The following ARMC6 variants were observed in gnomAD, a reference collection of about 807,000 sequenced individuals.
The protein encoded by ARMC6 is armadillo repeat-containing protein 6.
In ARMC6, 43 loss-of-function variants were observed where a neutral mutation model predicts 49.2. The ratio of observed to expected loss-of-function variants is 0.87; its 90% CI spans 0.69 to 1.13. ARMC6 has a LOEUF of 1.13. Among genes scored for constraint, ARMC6 ranks in the 50% most tolerant of loss-of-function variants. The pLI is 0.00. For synonymous variants in ARMC6, 262 were observed against 289.6 expected (o/e 0.90, Z 0.97); for missense variants, 627 against 682.0 (o/e 0.92, Z 0.90).
At chr19:19,039,675 G>A (rs2059396885) in intron 2 of ARMC6, among the ~76,000 whole-genome samples, 1 of 152,142 alleles carries the variant, frequency 6.6e-6, no homozygotes, top group African/African-American at 2.4e-5. Flanking sequence ...TCTTTGACGA[G>A]ACATCATGTT....
chr19:19,036,461 G>A (rs2059369255), intron 2 of ARMC6, among the ~76,000 whole-genome samples: 1 of 152,206 alleles, frequency 6.6e-6, no homozygotes, highest in Non-Finnish European at 1.5e-5. Flanking sequence ...AAGATCACCT[G>A]TCAATTTACA....
intron 3 of ARMC6, 130 bp from the exon 4 acceptor site, chr19:19,043,862 G>T: frequency 1.3e-6 from 1 of 751,154 alleles, no homozygotes. Context: ...GGAATAGGGA[G>T]GTGGGAGGCT....
rs759735782 is a variant in ARMC6 at position 19,054,367 on chromosome 19, A to T, written c.1023+46A>T. On this transcript the variant is annotated intron_variant, in intron 6 of 8. Coordinates refer to ENST00000535612, the MANE Select transcript of ARMC6 (RefSeq NM_001199196.2). Reference sequence around the variant, plus strand: ...ATTGCGTGCTGTCCTTCTGGGTCCCAGTCAACCGGACGAGCTATAGTCAGA... The same window carrying T: ...ATTGCGTGCTGTCCTTCTGGGTCCCTGTCAACCGGACGAGCTATAGTCAGA... 7 of 1,454,314 alleles carry T rather than the reference A, an allele frequency of 4.8e-6. No individual in the cohort carries two copies. In the South Asian group the frequency reaches 8.7e-5, roughly 18 times the overall value. 90.1% of individuals were successfully genotyped at this position (1,454,314 alleles called of 1,614,324 possible).
At chr19:19,057,337 T>G in intron 8 of ARMC6, 79 bp from the exon 9 acceptor site, 1 of 1,233,006 alleles carries the variant, frequency 8.1e-7, no homozygotes. Flanking sequence ...CTCCATCTTG[T>G]TATGATGAAG....
chr19:19,053,810 C>T, intron 5 of ARMC6, among the ~76,000 whole-genome samples: 1 of 151,692 alleles, frequency 6.6e-6, no homozygotes, highest in Admixed American at 6.6e-5. Context: ...GAAGCCATTC[C>T]TACCCCATGA....
chr19:19,054,775 C>T (rs567343461), intron 6 of ARMC6, among the ~76,000 whole-genome samples: 4 of 152,212 alleles, frequency 2.6e-5, no homozygotes, highest in African/African-American at 9.6e-5. Flanking sequence ...CCTGCGCCCC[C>T]AAGCCCAGCT....
chr19:19,037,193 A>G (rs1233853850), intron 2 of ARMC6, among the ~76,000 whole-genome samples: 2 of 151,980 alleles, frequency 1.3e-5, no homozygotes, highest in Non-Finnish European at 2.9e-5. Context: ...TCAAAAAAAA[A>G]AGAAAAGGGC....
chr19:19,047,232 C>T (rs1166316988), intron 4 of ARMC6, among the ~76,000 whole-genome samples: 1 of 152,166 alleles, frequency 6.6e-6, no homozygotes, highest in Admixed American at 6.6e-5. Context: ...CCTTGTCCCT[C>T]CCACCAGACA....
At position 19,057,711 on chromosome 19, in the gene ARMC6, C is replaced by A; in HGVS notation, c.*83C>A. On this transcript the variant is annotated 3_prime_UTR_variant, in exon 9 of 9. Transcript: ENST00000535612. ...TAGATCCATGTCCTCCACTGTCCCC[C>A]ATTAGTTCTGTCCCCTTCACAATGA... The A allele has an allele frequency of 7.3e-7, 1 of 1,364,006 alleles. No individual in the cohort carries two copies. The highest frequency in any genetic ancestry group is 1.0e-6 in the Non-Finnish European group (1 of 967,812). The allele number at this position is 1,364,006 out of a possible 1,614,324, so 84.5% of individuals were successfully genotyped here.
At chr19:19,056,076 A>T in intron 8 of ARMC6, 148 bp downstream of exon 8, 1 of 950,704 alleles carries the variant, frequency 1.1e-6, no homozygotes, top group Non-Finnish European at 1.4e-6. Context: ...TCCCTCCCAC[A>T]GCCGAGCCCC....
In ARMC6 at chr19:19,052,179, C is replaced by T; in HGVS notation, c.837C>T (p.Leu279=). 1 of 1,601,390 alleles carries T rather than the reference C, an allele frequency of 6.2e-7. No individual in the cohort carries two copies. Among genetic ancestry groups the T allele is most frequent in the Middle Eastern group, 1.7e-4 (1 of 6,004 alleles). ...AGGAGAACAAAGGCTTGAAGGTGCTCATCGAAGCCACCAAAGGTAAGAGCT... is the reference window on the plus strand; with the variant it reads ...AGGAGAACAAAGGCTTGAAGGTGCTTATCGAAGCCACCAAAGGTAAGAGCT... ...IVQENKGLKV[L]IEATKAFLDN... is the part of the protein sequence containing the mutation. The change falls in exon 5 of 9, where the codon CTC becomes CTT. Residue 279 remains leucine, a synonymous_variant. Transcript: ENST00000535612.
chr19:19,043,550 A>G (rs574362050), intron 3 of ARMC6, among the ~76,000 whole-genome samples: 62 of 151,982 alleles, frequency 4.1e-4, no homozygotes, highest in Non-Finnish European at 4.4e-4. Context: ...AACACTAGAC[A>G]GGGGCCAGTG....
At chr19:19,047,229 C>A (rs1350067701) in intron 4 of ARMC6, among the ~76,000 whole-genome samples, 1 of 152,034 alleles carries the variant, frequency 6.6e-6, no homozygotes, top group Non-Finnish European at 1.5e-5. Flanking sequence ...CTGCCTTGTC[C>A]CTCCCACCAG....
intron 1 of ARMC6, 47 bp downstream of exon 1, chr19:19,033,977 T>G (rs1599620226): frequency 3.6e-5 from 18 of 494,716 alleles, no homozygotes; most frequent in South Asian, 7.1e-5. Context: ...GAGTGGGGAG[T>G]GGGGGTGCCG....
chr19:19,049,356 G>C (rs1204881506), intron 4 of ARMC6, among the ~76,000 whole-genome samples: 1 of 152,008 alleles, frequency 6.6e-6, no homozygotes. Flanking sequence ...GCCCGGCCAA[G>C]AATTTTATTT....
At chr19:19,035,254 C>T (rs371138997) in intron 2 of ARMC6, among the ~76,000 whole-genome samples, 4 of 152,194 alleles carry the variant, frequency 2.6e-5, no homozygotes, top group African/African-American at 9.6e-5. Context: ...GATCTACCCG[C>T]CTCAGACTCC....
At chr19:19,041,738 C>T (rs1209960032) in intron 2 of ARMC6, among the ~76,000 whole-genome samples, 5 of 152,126 alleles carry the variant, frequency 3.3e-5, no homozygotes, top group Non-Finnish European at 4.4e-5. Context: ...TACAACTTGA[C>T]GATTTTATAT....
In ARMC6 at chr19:19,051,925, A is replaced by C. The variant is rs1056195220; in HGVS notation, c.583A>C (p.Thr195Pro). ...CCAGAATGCTGATGAGGCTGACCTG[A>C]CCTGCTCTGGGATCCGCTGTGTGCG... ...LTQNADEADL[T>P]CSGIRCVRHA... Residue 195 changes from threonine (T) to proline (P), a missense_variant, in exon 5 of 9, where the codon ACC becomes CCC. Transcript: ENST00000535612. 1.9e-6 allele frequency: 3 copies of C among 1,613,994 alleles called. No homozygotes were observed. The highest frequency in any genetic ancestry group is 1.7e-5 in the Admixed American group (1 of 60,006).
At chr19:19,050,130 G>T (rs116796770) in intron 4 of ARMC6, among the ~76,000 whole-genome samples, 2,406 of 152,242 alleles carry the variant, frequency 0.016, 71 homozygotes, top group African/African-American at 0.055. Context: ...AGCATACTAT[G>T]TGCCTGAATT....
Sources: allele counts gnomAD v4.1 joint callset (sites outside exome capture counted in the v4.1 genomes callset), GRCh38; gene constraint gnomAD v4.1.1; transcripts MANE v1.5; gene names NCBI Gene and HGNC (gene_info 2026-07-23, HGNC 2026-07-21).